ABCC5: variants seen among roughly 807,000 people sequenced by gnomAD.
The protein encoded by ABCC5 is ATP binding cassette subfamily C member 5.
ABCC5 carries 61 observed loss-of-function variants against 160.9 expected under a neutral mutation model. The observed-to-expected ratio is 0.38, with a 90% CI of 0.31 to 0.47. ABCC5 has a LOEUF of 0.47. Among genes scored for constraint, ABCC5 ranks in the 20% least tolerant of loss-of-function variants. The pLI, the probability that ABCC5 is intolerant of heterozygous loss-of-function variation, is 0.99. For missense variants in ABCC5, 1,308 were observed against 1,813.3 expected (o/e 0.72, Z 5.06); for synonymous variants, 666 against 700.6 (o/e 0.95, Z 0.78).
intron 16 of ABCC5, among the ~76,000 whole-genome samples, chr3:183,960,754 C>T (rs1716646429): frequency 6.6e-6 from 1 of 151,662 alleles, no homozygotes; most frequent in South Asian, 2.1e-4. Context: ...ATAACAGAAA[C>T]TACTTAATGC....
At position 183,921,694 on chromosome 3, in the gene ABCC5, C is replaced by T. The variant is rs1483156555; in HGVS notation, c.4213-293G>A. Among the ~76,000 whole-genome samples the T allele has an allele frequency of 3.3e-5, 5 of 151,514 alleles. No homozygotes were observed. Among genetic ancestry groups the T allele is most frequent in the Non-Finnish European group, 7.4e-5 (5 of 67,930 alleles). On this transcript the variant is annotated intron_variant, in intron 29 of 29. Transcript: ENST00000334444. This position sits in a 1 kb window ranked among gnomAD's most constrained non-coding sequence, Gnocchi z 4.1. ...ACTTCCAGACCTCCTTCACATAAATCCAAATTCCTTCAGCCTTGGGAGTGA... is the reference window on the plus strand; with the variant it reads ...ACTTCCAGACCTCCTTCACATAAATTCAAATTCCTTCAGCCTTGGGAGTGA...
chr3:183,935,211 C>T (rs533148959), intron 26 of ABCC5, among the ~76,000 whole-genome samples: 5 of 151,532 alleles, frequency 3.3e-5, no homozygotes, highest in Non-Finnish European at 5.9e-5. Context: ...GATGGAGTCT[C>T]GCTCTGTCGT....
At chr3:183,948,944 T>C (rs1176245472) in intron 22 of ABCC5, among the ~76,000 whole-genome samples, 1 of 152,208 alleles carries the variant, frequency 6.6e-6, no homozygotes, top group Non-Finnish European at 1.5e-5. Flanking sequence ...CCTCAGGCGA[T>C]CCGCCCACCT....
intron 11 of ABCC5, among the ~76,000 whole-genome samples, chr3:183,970,282 G>A (rs1342684715): frequency 6.6e-6 from 1 of 152,104 alleles, no homozygotes; most frequent in Non-Finnish European, 1.5e-5. Flanking sequence ...GGCCCGGAAT[G>A]TTCTTCCCCA....
At chr3:183,989,094 C>T in intron 3 of ABCC5, 132 bp downstream of exon 3, 2 of 913,486 alleles carry the variant, frequency 2.2e-6, no homozygotes, top group South Asian at 1.9e-5. Context: ...TCACTTGAAC[C>T]CAGGAGGCGG....
At chr3:183,996,039 C>T (rs955290797) in intron 2 of ABCC5, among the ~76,000 whole-genome samples, 3 of 152,134 alleles carry the variant, frequency 2.0e-5, no homozygotes, top group African/African-American at 4.8e-5. Context: ...GATCTCCTGA[C>T]CTCATGATCC....
At chr3:183,952,028 G>C (rs1430245203) in intron 18 of ABCC5, 25 bp from the exon 19 acceptor site, 1 of 1,597,404 alleles carries the variant, frequency 6.3e-7, no homozygotes, top group Non-Finnish European at 8.6e-7. Flanking sequence ...AGTTCTATGA[G>C]GCCAGACTCC....
Position 183,977,566 on chromosome 3 carries a change from A to C in ABCC5, c.1355T>G (p.Phe452Cys), listed in dbSNP as rs1560025572. The C allele has an allele frequency of 6.2e-7, 1 of 1,614,098 alleles. No individual in the cohort carries two copies. The highest frequency in any genetic ancestry group is 2.2e-5 in the East Asian group (1 of 44,872). The change falls in exon 10 of 30, where the codon TTT becomes TGT. Residue 452 changes from phenylalanine to cysteine, a missense_variant. Around this residue, in one of 3 missense-constraint regions of ABCC5, gnomAD observed 1,142 missense variants for 1,527.1 expected, o/e 0.75. Coordinates refer to ENST00000334444, the MANE Select transcript of ABCC5 (RefSeq NM_005688.4). ...GGCTTCTGAGAGGGACTTTACTGAA[A>C]ACGGTGTTACTTTCAAAGCAAAAGT... The part of the protein sequence containing the change: ...SMTFALKVTP[F>C]SVKSLSEASV...
In ABCC5 at chr3:183,951,854, T is replaced by C; in HGVS notation, c.2814+3A>G. ...AGGGCAGAGACCACCCACCAATGCATACCTTGACAAAGACAACTCCTCGAA... is the reference window on the plus strand; with the variant it reads ...AGGGCAGAGACCACCCACCAATGCACACCTTGACAAAGACAACTCCTCGAA... On this transcript the variant is annotated splice_donor_region_variant and intron_variant, in intron 19 of 29. Transcript: ENST00000334444. The surrounding 1 kb of genome is among the most constrained non-coding windows in gnomAD (Gnocchi z 4.7). 1 of 1,613,202 alleles carries C rather than the reference T, an allele frequency of 6.2e-7. No homozygotes were observed. Among genetic ancestry groups the C allele is most frequent in the Non-Finnish European group, 8.5e-7 (1 of 1,179,668 alleles).
At chr3:183,944,215 C>T (rs751330550) in intron 24 of ABCC5, among the ~76,000 whole-genome samples, 18 of 151,854 alleles carry the variant, frequency 1.2e-4, no homozygotes, top group Non-Finnish European at 2.1e-4. Context: ...GACAACATGG[C>T]GAAACCTATC....
At chr3:183,953,331 T>C (rs1459140916) in intron 17 of ABCC5, 61 bp from the exon 18 acceptor site, 11 of 1,477,642 alleles carry the variant, frequency 7.4e-6, no homozygotes, top group African/African-American at 1.4e-5. Flanking sequence ...TAAAACTAAG[T>C]CACCTGCAGA....
Position 183,963,469 on chromosome 3 carries a change from G to A in ABCC5, c.2151C>T (p.Ala717=). 6.2e-7 allele frequency: 1 copy of A among 1,614,216 alleles called. No individual in the cohort carries two copies. The highest frequency in any genetic ancestry group is 8.5e-7 in the Non-Finnish European group (1 of 1,180,044). ...ILDDPLSALD[A]HVGNHIFNSA... ...TATTGAAGATGTGGTTGCCCACATGGGCATCTAAGGCACTGAGGGGGTCGT... is the reference window on the plus strand; with the variant it reads ...TATTGAAGATGTGGTTGCCCACATGAGCATCTAAGGCACTGAGGGGGTCGT... Residue 717 remains alanine, a synonymous_variant, in exon 15 of 30, where the codon GCC becomes GCT. Transcript: ENST00000334444. This position sits in a 1 kb window ranked among gnomAD's most constrained non-coding sequence, Gnocchi z 4.6.
chr3:183,950,902 A>G (rs1382219061), intron 20 of ABCC5, among the ~76,000 whole-genome samples: 1 of 152,204 alleles, frequency 6.6e-6, no homozygotes, highest in African/African-American at 2.4e-5. Context: ...TTTGTCACTC[A>G]ATAGCTGTAG....
chr3:183,941,384 C>T (rs1004377449), intron 25 of ABCC5, among the ~76,000 whole-genome samples: 2 of 152,104 alleles, frequency 1.3e-5, no homozygotes, highest in Non-Finnish European at 2.9e-5. Context: ...CTAAAGATTC[C>T]CTTCCAGCAT....
Position 184,012,835 on chromosome 3 carries a change from G to A in ABCC5, c.129+1429C>T, listed in dbSNP as rs549685752. 1.8e-4 allele frequency among the ~76,000 whole-genome samples: 28 copies of A among 152,288 alleles called. 1 individual carries two copies. Among genetic ancestry groups the A allele is most frequent in the South Asian group, 6.2e-4 (3 of 4,812 alleles). On this transcript the variant is annotated intron_variant, in intron 2 of 29. Transcript: ENST00000334444. Reference sequence around the variant, plus strand: ...ATGGAAAAGCATTCTATAATACACAGTAGGGTACAGAAAAGACTCATTAGC... The same window carrying A: ...ATGGAAAAGCATTCTATAATACACAATAGGGTACAGAAAAGACTCATTAGC...
chr3:183,959,868 A>T (rs1283934695), intron 16 of ABCC5, 33 bp from the exon 17 acceptor site: 1 of 1,471,054 alleles, frequency 6.8e-7, no homozygotes, highest in African/African-American at 1.4e-5. Context: ...GTCTCCAGTC[A>T]TGTTAGCCAT....
Position 183,967,762 on chromosome 3 carries a change from T to C in ABCC5, c.1766A>G (p.Lys589Arg). 6.2e-7 allele frequency: 1 copy of C among 1,613,368 alleles called. No homozygotes were observed. The highest frequency in any genetic ancestry group is 8.5e-7 in the Non-Finnish European group (1 of 1,179,360). Residue 589 changes from lysine to arginine, a missense_variant, in exon 12 of 30, where the codon AAA becomes AGA. This residue lies in a region of ABCC5 where 1,142 missense variants were observed against 1,527.1 expected (regional missense o/e 0.75). Transcript: ENST00000334444. ...HSIDLEIQEG[K>R]LVGICGSVGS... is the part of the protein sequence containing the mutation. ...CACACTGCCACAGATTCCAACCAGT[T>C]TACCCTGGACAAGGCACACAGAGAG...
At chr3:183,933,885 C>T (rs985423474) in intron 26 of ABCC5, among the ~76,000 whole-genome samples, 1 of 152,308 alleles carries the variant, frequency 6.6e-6, no homozygotes, top group African/African-American at 2.4e-5. Flanking sequence ...ACCCTCAATA[C>T]TGGCTAATGG....
chr3:183,950,598 C>G lies in ABCC5; in HGVS notation c.2945-473G>C, dbSNP rs190184807. ...TTTGGCTGTCTCCCCACCCCACCGCCTTTTTTCTTCTGGTTAAAGTATTTT... is the reference window on the plus strand; with the variant it reads ...TTTGGCTGTCTCCCCACCCCACCGCGTTTTTTCTTCTGGTTAAAGTATTTT... On this transcript the variant is annotated intron_variant, in intron 20 of 29. Coordinates refer to ENST00000334444, the MANE Select transcript of ABCC5 (RefSeq NM_005688.4). Among the ~76,000 whole-genome samples the G allele has an allele frequency of 5.0e-3, 762 of 152,300 alleles. 11 individuals carry two copies. Among genetic ancestry groups the G allele is most frequent in the African/African-American group, 0.017 (713 of 41,566 alleles).
Sources: gnomAD v4.1 joint callset for allele counts (sites outside exome capture counted in the v4.1 genomes callset) on GRCh38, gnomAD v4.1.1 for gene constraint, gnomAD v4.1.1 regional missense constraint, Gnocchi (gnomAD v3.1) non-coding constraint, MANE v1.5 for transcripts, NCBI Gene and HGNC (gene_info 2026-07-23, HGNC 2026-07-21) for gene names.